Variants in LIMCH1 observed in about 807,000 individuals in gnomAD.
LIMCH1 encodes LIM and calponin homology domains 1.
Under a neutral mutation model 176.5 loss-of-function variants are expected in LIMCH1, and 113 were observed. That is an observed-to-expected ratio of 0.64 (90% CI 0.55 to 0.75). The LOEUF is 0.75. LIMCH1 is among the 30% of genes least tolerant of loss of function. LIMCH1 has a pLI of 0.00. For synonymous variants in LIMCH1, 619 were observed against 645.9 expected, an observed-to-expected ratio of 0.96 and a Z score of 0.63; for missense variants, 1,674 against 1,814.9, an observed-to-expected ratio of 0.92 and a Z score of 1.41.
intron 4 of LIMCH1, chr4:41,612,422 C>T (rs555584346): frequency 1.3e-5 from 8 of 626,022 alleles, no homozygotes; most frequent in South Asian, 3.9e-5. Flanking sequence ...CCAGTCTTTG[C>T]GGATGAGAAC....
intron 1 of LIMCH1, among the ~76,000 whole-genome samples, chr4:41,400,419 T>C (rs1467687031): frequency 6.6e-6 from 1 of 152,186 alleles, no homozygotes; most frequent in South Asian, 2.1e-4. Flanking sequence ...TCGGGGAAGG[T>C]ATCTATTTTA....
At chr4:41,689,467 T>C in intron 29 of LIMCH1, 60 bp from the exon 30 acceptor site, 1 of 861,648 alleles carries the variant, frequency 1.2e-6, no homozygotes, top group South Asian at 1.4e-5. Context: ...TACATGTCTG[T>C]GTGTTTGACC....
In LIMCH1 at chr4:41,639,051, A is replaced by C. The variant is rs1246072951; in HGVS notation, c.2126+84A>C. 3.9e-6 allele frequency: 4 copies of C among 1,034,680 alleles called. No individual in the cohort carries two copies. In the Admixed American group the frequency reaches 1.1e-4, roughly 27 times the overall value. 64.1% of individuals were successfully genotyped at this position (1,034,680 alleles called of 1,614,324 possible). A position where few individuals can be genotyped will look rare whatever the true frequency, so the allele number is the denominator to read the frequency against. ...AGTACTTACCACTAATTGAAATGCA[A>C]CTGATGCAAGTGAACTGAATAGTTA... On this transcript the variant is annotated intron_variant, in intron 14 of 31. Transcript: ENST00000503057.
intron 1 of LIMCH1, among the ~76,000 whole-genome samples, chr4:41,364,207 C>A (rs951321522): frequency 6.6e-6 from 1 of 152,146 alleles, no homozygotes; most frequent in Non-Finnish European, 1.5e-5. Flanking sequence ...GGAGTGCTGT[C>A]AGGATTAAAT....
At chr4:41,565,016 A>G (rs1368506711) in intron 1 of LIMCH1, among the ~76,000 whole-genome samples, 1 of 152,126 alleles carries the variant, frequency 6.6e-6, no homozygotes, top group Non-Finnish European at 1.5e-5. Flanking sequence ...TTCCTTTATA[A>G]ATTACCCAGT....
At chr4:41,480,824 G>A (rs1223352616) in intron 1 of LIMCH1, among the ~76,000 whole-genome samples, 1 of 152,144 alleles carries the variant, frequency 6.6e-6, no homozygotes, top group Non-Finnish European at 1.5e-5. Flanking sequence ...TTTGAGTGTT[G>A]TCTGTCTTTC....
At chr4:41,696,667 TTATAC>T (rs1163559417) in intron 31 of LIMCH1, among the ~76,000 whole-genome samples, 1 of 152,186 alleles carries the variant, frequency 6.6e-6, no homozygotes, top group Non-Finnish European at 1.5e-5. Flanking sequence ...TTATCTGAAA[TTATAC>T]TGTACTGGGT....
At chr4:41,526,230 G>T (rs2076636816) in intron 3 of LIMCH1, among the ~76,000 whole-genome samples, 2 of 145,052 alleles carry the variant, frequency 1.4e-5, no homozygotes, top group South Asian at 2.2e-4. Context: ...TTTTTCATTT[G>T]GATTTCCTTT....
intron 1 of LIMCH1, among the ~76,000 whole-genome samples, chr4:41,434,559 C>G (rs527679759): frequency 2.2e-4 from 33 of 152,304 alleles, no homozygotes; most frequent in Non-Finnish European, 4.6e-4. Flanking sequence ...CTTTGTCACC[C>G]AGGCTGGAGT....
chr4:41,374,010 A>G (rs962994202), intron 1 of LIMCH1, among the ~76,000 whole-genome samples: 4 of 152,122 alleles, frequency 2.6e-5, no homozygotes, highest in African/African-American at 4.8e-5. Context: ...AAGTTTCCTG[A>G]GTCTCCCCAG....
At chr4:41,425,596 C>G (rs11932298) in intron 1 of LIMCH1, among the ~76,000 whole-genome samples, 4,861 of 152,274 alleles carry the variant, frequency 0.032, 225 homozygotes, top group African/African-American at 0.11. Flanking sequence ...ATCTGCTGGC[C>G]TCAGCCTCCC....
At chr4:41,543,611 A>G (rs935894459) in intron 1 of LIMCH1, among the ~76,000 whole-genome samples, 2 of 152,156 alleles carry the variant, frequency 1.3e-5, no homozygotes, top group Non-Finnish European at 2.9e-5. Context: ...CCACCTTATG[A>G]GCATGATTAA....
intron 22 of LIMCH1, among the ~76,000 whole-genome samples, chr4:41,671,821 G>T (rs995581880): frequency 1.4e-5 from 2 of 146,864 alleles, no homozygotes; most frequent in African/African-American, 2.5e-5. Context: ...AATTAGGCAG[G>T]TGTGGTGGCA....
At chr4:41,430,878 T>C (rs542572093) in intron 1 of LIMCH1, among the ~76,000 whole-genome samples, 1 of 152,006 alleles carries the variant, frequency 6.6e-6, no homozygotes, top group Non-Finnish European at 1.5e-5. Flanking sequence ...GCCAGTTGGT[T>C]TTCTGTTTTG....
chr4:41,490,962 T>C (rs1317870416), intron 1 of LIMCH1, among the ~76,000 whole-genome samples: 1 of 128,310 alleles, frequency 7.8e-6, no homozygotes, highest in African/African-American at 2.9e-5. Context: ...CACTCCTCAC[T>C]TCCCAGACGG....
chr4:41,376,018 T>C (rs1323516296), intron 1 of LIMCH1, among the ~76,000 whole-genome samples: 2 of 152,236 alleles, frequency 1.3e-5, no homozygotes, highest in Non-Finnish European at 2.9e-5. Flanking sequence ...AAATATGTTT[T>C]TTGAGATTAG....
At chr4:41,579,548 C>T (rs984778707) in intron 1 of LIMCH1, among the ~76,000 whole-genome samples, 1 of 152,158 alleles carries the variant, frequency 6.6e-6, no homozygotes, top group Admixed American at 6.5e-5. Flanking sequence ...AGACGGTCAT[C>T]GTTAATGTAA....
At chr4:41,503,710 G>T (rs1446604215) in intron 2 of LIMCH1, among the ~76,000 whole-genome samples, 1 of 152,104 alleles carries the variant, frequency 6.6e-6, no homozygotes, top group African/African-American at 2.4e-5. Flanking sequence ...GTAAAACTGA[G>T]GCCACCAAAA....
intron 1 of LIMCH1, among the ~76,000 whole-genome samples, chr4:41,392,967 T>C (rs1220725313): frequency 2.0e-5 from 3 of 151,994 alleles, no homozygotes; most frequent in Non-Finnish European, 4.4e-5. Flanking sequence ...GAGGCGGAGG[T>C]TGCAGTGAGC....
Sources: gnomAD v4.1 joint callset for allele counts (sites outside exome capture counted in the v4.1 genomes callset) on GRCh38, gnomAD v4.1.1 for gene constraint, MANE v1.5 for transcripts, NCBI Gene and HGNC (gene_info 2026-07-23, HGNC 2026-07-21) for gene names.